Variants in UGT3A1 observed in about 807,000 individuals in gnomAD.
The protein encoded by UGT3A1 is UDP-glycosyltransferase 3A1.
A neutral mutation model predicts 37.6 loss-of-function variants in UGT3A1; 40 were observed. The ratio of observed to expected loss-of-function variants is 1.06; its 90% CI spans 0.83 to 1.38. The LOEUF (loss-of-function observed/expected upper bound fraction) is 1.38, where lower values mean the gene tolerates loss of function less well. Ranked by LOEUF, UGT3A1 falls within the 40% of genes most tolerant of loss-of-function variation. UGT3A1 has a pLI of 0.00. For synonymous variants in UGT3A1, 256 were observed against 232.3 expected (o/e 1.10, Z -0.93); for missense variants, 642 against 634.2 (o/e 1.01, Z -0.13).
chr5:35,954,254 A>C lies in UGT3A1; in HGVS notation c.1520T>G (p.Leu507Arg). ...ACGCAGCCACCTGGCCACCACACCC[A>C]GCAGCTTCCCACAAAGCCACATAGT... ...LGTMWLCGKL[L>R]GVVARWLRGA... The change falls in exon 7 of 7, where the codon CTG becomes CGG. Residue 507 changes from leucine to arginine, a missense_variant. Transcript: ENST00000274278. 6.2e-7 allele frequency: 1 copy of C among 1,614,160 alleles called. No homozygotes were observed. Among genetic ancestry groups the C allele is most frequent in the Non-Finnish European group, 8.5e-7 (1 of 1,180,024 alleles).
upstream of UGT3A1, among the ~76,000 whole-genome samples, chr5:35,992,588 ACAGAG>A (rs1307499116): frequency 6.0e-5 from 1 of 16,666 alleles, no homozygotes; most frequent in Non-Finnish European, 4.1e-4. Flanking sequence ...TGCTGGACAG[ACAGAG>A]GCTAAACACA....
Position 35,953,779 on chromosome 5 carries a change from T to C in UGT3A1, c.*423A>G, listed in dbSNP as rs1054143870. The C allele has an allele frequency of 1.7e-5, 3 of 172,090 alleles. No homozygotes were observed. Among genetic ancestry groups the C allele is most frequent in the Non-Finnish European group, 3.8e-5 (3 of 79,926 alleles). The allele number at this position is 172,090 out of a possible 1,614,324, so 10.7% of individuals were successfully genotyped here. A position where few individuals can be genotyped will look rare whatever the true frequency, so the allele number is the denominator to read the frequency against. ...TTTCCTGAGCTTTGAGGAGAGCTTA[T>C]AGGAAGGGCAAGATATCTGCATAAA... On this transcript the variant is annotated 3_prime_UTR_variant, in exon 7 of 7. Coordinates refer to ENST00000274278, the MANE Select transcript of UGT3A1 (RefSeq NM_152404.4).
chr5:35,992,587 GACAGA>G (rs35225508), upstream of UGT3A1, among the ~76,000 whole-genome samples: 107,181 of 151,776 alleles, frequency 0.71, 39,585 homozygotes, highest in South Asian at 0.84. Context: ...TTGCTGGACA[GACAGA>G]GGCTAAACAC....
chr5:35,966,600 C>G (rs1298096897), intron 3 of UGT3A1, among the ~76,000 whole-genome samples: 3 of 152,204 alleles, frequency 2.0e-5, no homozygotes, highest in African/African-American at 7.2e-5. Flanking sequence ...TTCCCTATGG[C>G]ACTATTCCAG....
chr5:35,991,625 C>T (rs1037769596), upstream of UGT3A1: 249 of 1,009,184 alleles, frequency 2.5e-4, no homozygotes, highest in Non-Finnish European at 2.7e-4. Flanking sequence ...AGGAAACCAC[C>T]TGTCTTTCGT....
intron 4 of UGT3A1, chr5:35,961,183 C>G (rs1332181849): frequency 6.6e-6 from 1 of 152,188 alleles, no homozygotes; most frequent in East Asian, 1.9e-4. Flanking sequence ...TATCATCTCC[C>G]CTCTCTGCAG....
At chr5:35,989,350 A>G (rs1740848376) in intron 1 of UGT3A1, among the ~76,000 whole-genome samples, 1 of 152,206 alleles carries the variant, frequency 6.6e-6, no homozygotes, top group South Asian at 2.1e-4. Context: ...CTCTTAGTGC[A>G]TGTTCCAACA....
chr5:35,991,168 T>G lies in UGT3A1; in HGVS notation c.73A>C (p.Ile25Leu). The change falls in exon 1 of 7, where the codon ATC becomes CTC. Residue 25 changes from isoleucine to leucine, a missense_variant. Ile to Leu is a conservative substitution (Grantham distance 5). Coordinates refer to ENST00000274278, the MANE Select transcript of UGT3A1 (RefSeq NM_152404.4). ...SGVLLSEAAK[I>L]LTISTLGGSH... is the part of the protein sequence containing the mutation. Reference sequence around the variant, plus strand: ...TCACCCAGTGTAGATATTGTCAGGATTTTGGCAGCCTCTGAGAGCAGGACC... The same window carrying G: ...TCACCCAGTGTAGATATTGTCAGGAGTTTGGCAGCCTCTGAGAGCAGGACC... 6.2e-7 allele frequency: 1 copy of G among 1,613,750 alleles called. No individual in the cohort carries two copies. Among genetic ancestry groups the G allele is most frequent in the Non-Finnish European group, 8.5e-7 (1 of 1,179,918 alleles).
At chr5:35,980,463 G>A (rs1238898036) in intron 2 of UGT3A1, among the ~76,000 whole-genome samples, 1 of 152,168 alleles carries the variant, frequency 6.6e-6, no homozygotes, top group Admixed American at 6.5e-5. Flanking sequence ...CAATACCAGA[G>A]GGGAGAGAGC....
At chr5:35,964,128 TG>T (rs1210625733) in intron 4 of UGT3A1, among the ~76,000 whole-genome samples, 2 of 152,186 alleles carry the variant, frequency 1.3e-5, no homozygotes, top group Admixed American at 6.5e-5. Flanking sequence ...TATAAATATT[TG>T]TCCACAATTA....
intron 2 of UGT3A1, among the ~76,000 whole-genome samples, chr5:35,979,131 G>T (rs1400560200): frequency 6.6e-6 from 1 of 151,982 alleles, no homozygotes; most frequent in African/African-American, 2.4e-5. Context: ...TGGTTTCATG[G>T]GCAGCGGTTG....
intron 2 of UGT3A1, among the ~76,000 whole-genome samples, chr5:35,975,449 C>T (rs1740226674): frequency 6.6e-6 from 1 of 152,182 alleles, no homozygotes; most frequent in Non-Finnish European, 1.5e-5. Context: ...ATTTGACTTG[C>T]TTTCCCTTCA....
rs374951051 is a variant in UGT3A1 at position 35,954,176 on chromosome 5, C to T, written c.*26G>A. 7 of 1,606,750 alleles carry T rather than the reference C, an allele frequency of 4.4e-6. No homozygotes were observed. In the South Asian group the frequency reaches 5.6e-5, roughly 13 times the overall value. Reference sequence around the variant, plus strand: ...ACCTTCAAAGGACCAGGGATGCCCTCCCCTCACCCAAGGCTACACCTAGCC... The same window carrying T: ...ACCTTCAAAGGACCAGGGATGCCCTTCCCTCACCCAAGGCTACACCTAGCC... On this transcript the variant is annotated 3_prime_UTR_variant, in exon 7 of 7. Transcript: ENST00000274278.
intron 4 of UGT3A1, chr5:35,961,995 G>A (rs1423835548): frequency 6.6e-6 from 1 of 151,144 alleles, no homozygotes; most frequent in Non-Finnish European, 1.5e-5. Flanking sequence ...ATACCTGAAA[G>A]TATCTCCTCT....
chr5:35,982,252 T>C (rs1457004781), intron 2 of UGT3A1, among the ~76,000 whole-genome samples: 1 of 152,216 alleles, frequency 6.6e-6, no homozygotes, highest in East Asian at 1.9e-4. Context: ...CTAGTGGAGC[T>C]GTCCTCCAGA....
chr5:35,955,709 G>A lies in UGT3A1; in HGVS notation c.1231C>T (p.Arg411Trp), dbSNP rs141143848. 3.3e-4 allele frequency: 536 copies of A among 1,614,130 alleles called. 2 individuals carry two copies. Among genetic ancestry groups the A allele is most frequent in the South Asian group, 1.3e-3 (115 of 91,066 alleles). The change falls in exon 6 of 7, where the codon CGG becomes TGG. Residue 411 changes from arginine (R) to tryptophan (W), a missense_variant. By Grantham distance (101) the Arg-to-Trp change is moderately radical (BLOSUM62 -3). Transcript: ENST00000274278. ...VVAKNYGVSI[R>W]LNQVTADTLT... ...GTGTCGGCTGTGACCTGATTCAACC[G>A]GATAGAGACACCATAATTTTTGGCT...
At chr5:35,968,214 A>C in intron 2 of UGT3A1, 81 bp from the exon 3 acceptor site, 1 of 805,414 alleles carries the variant, frequency 1.2e-6, no homozygotes, top group Admixed American at 3.2e-5. Flanking sequence ...TTAAAGTTTT[A>C]TTCTATTAAT....
intron 1 of UGT3A1, 93 bp from the exon 2 acceptor site, chr5:35,988,644 A>G (rs1740819678): frequency 1.1e-6 from 1 of 950,730 alleles, no homozygotes; most frequent in African/African-American, 1.7e-5. Flanking sequence ...AATTCAGCAG[A>G]AAAAGCATAG....
chr5:35,970,448 A>G (rs1386111754), intron 2 of UGT3A1, among the ~76,000 whole-genome samples: 1 of 151,360 alleles, frequency 6.6e-6, no homozygotes, highest in Non-Finnish European at 1.5e-5. Flanking sequence ...CAAGAACGGC[A>G]CAGGAAAGAC....
Sources: allele counts gnomAD v4.1 joint callset (sites outside exome capture counted in the v4.1 genomes callset), GRCh38; gene constraint gnomAD v4.1.1; transcripts MANE v1.5; gene names NCBI Gene and HGNC (gene_info 2026-07-23, HGNC 2026-07-21).